AHI1: variants seen among roughly 807,000 people sequenced by gnomAD.
AHI1 encodes the protein jouberin.
Under a neutral mutation model 149.3 loss-of-function variants are expected in AHI1, and 123 were observed. The ratio of observed to expected loss-of-function variants is 0.82; its 90% confidence interval spans 0.71 to 0.96. The LOEUF (loss-of-function observed/expected upper bound fraction) is 0.96. Among genes scored for constraint, AHI1 ranks in the 40% least tolerant of loss-of-function variants. The pLI is 0.00. For synonymous variants in AHI1, 475 were observed against 459.8 expected (o/e 1.03, Z -0.42); for missense variants, 1,439 against 1,422.7 (o/e 1.01, Z -0.18).
At chr6:135,421,070 C>G (rs369722756) in intron 20 of AHI1, among the ~76,000 whole-genome samples, 3 of 152,066 alleles carry the variant, frequency 2.0e-5, no homozygotes, top group African/African-American at 7.2e-5. Context: ...AATGGGAGAA[C>G]GGCTGGTGGG....
At chr6:135,453,184 G>T (rs1252096825) in intron 11 of AHI1, among the ~76,000 whole-genome samples, 157 bp downstream of exon 11, 1 of 152,150 alleles carries the variant, frequency 6.6e-6, no homozygotes, top group Non-Finnish European at 1.5e-5. Context: ...TTAAGAATCT[G>T]AATGAGCATA....
chr6:135,358,720 A>T (rs1304573682), intron 23 of AHI1, among the ~76,000 whole-genome samples: 2 of 152,202 alleles, frequency 1.3e-5, no homozygotes, highest in African/African-American at 4.8e-5. Flanking sequence ...CTCCTTTAAA[A>T]TGATAACACA....
intron 20 of AHI1, among the ~76,000 whole-genome samples, chr6:135,422,834 A>G (rs1007084227): frequency 3.3e-5 from 5 of 151,826 alleles, no homozygotes; most frequent in African/African-American, 1.2e-4. Context: ...AATACTAGAT[A>G]AGCAAACTTC....
chr6:135,443,182 T>A (rs1296506375), intron 13 of AHI1, among the ~76,000 whole-genome samples: 3 of 152,154 alleles, frequency 2.0e-5, no homozygotes, highest in Non-Finnish European at 4.4e-5. Flanking sequence ...ATAATCACCT[T>A]TTGTGGCTGC....
rs927642701 is a variant in AHI1, at chr6:135,283,794, C to T, written c.*1851G>A. 1 of 152,210 alleles carries T rather than the reference C, an allele frequency of 6.6e-6. No individual in the cohort carries two copies. The highest frequency in any genetic ancestry group is 2.4e-5 in the African/African-American group (1 of 41,458). The allele number at this position is 152,210 out of a possible 1,614,324, so 9.4% of individuals were successfully genotyped here. On this transcript the variant is annotated 3_prime_UTR_variant, in exon 29 of 29. Transcript: ENST00000265602. ...CAAATTTTCCTGGTGTTTGCTTCAA[C>T]TGCTATTTTTCTCTTTAGTAGTTGC...
chr6:135,425,519 G>A (rs1482268162), intron 20 of AHI1, among the ~76,000 whole-genome samples: 2 of 151,754 alleles, frequency 1.3e-5, no homozygotes, highest in Admixed American at 6.6e-5. Context: ...TTTATCTTTT[G>A]TTTCAATATT....
chr6:135,463,394 G>A lies in AHI1; in HGVS notation c.750-88C>T, dbSNP rs41288023. On this transcript the variant is annotated intron_variant, in intron 7 of 28. Transcript: ENST00000265602. ...ATGCAACAGAGTGAACAGTAAATAG[G>A]AGCAAAGATAATCCTAAAATCACTA... 0.013 allele frequency: 14,728 copies of A among 1,097,722 alleles called. 118 individuals carry two copies. The highest frequency in any genetic ancestry group is 0.016 in the Non-Finnish European group (13,026 of 793,118). The allele number at this position is 1,097,722 out of a possible 1,614,324, so 68.0% of individuals were successfully genotyped here. A position where few individuals can be genotyped will look rare whatever the true frequency, so the allele number is the denominator to read the frequency against.
chr6:135,424,573 G>T lies in AHI1; in HGVS notation c.2764+2594C>A, dbSNP rs1263396969. Among the ~76,000 whole-genome samples, 5 of 152,006 alleles carry T rather than the reference G, an allele frequency of 3.3e-5. No individual in the cohort carries two copies. In the East Asian group the frequency reaches 9.6e-4, roughly 29 times the overall value. On this transcript the variant is annotated intron_variant, in intron 20 of 28. Transcript: ENST00000265602. The stretch of plus-strand genomic sequence containing the variant: ...CTTTCAACATCAGGCAAATAAAACT[G>T]CCTTCTGAAAGTAAAAATCATATTT...
At chr6:135,387,867 G>T in intron 23 of AHI1, 1 of 1,516,818 alleles carries the variant, frequency 6.6e-7, no homozygotes, top group South Asian at 1.3e-5. Context: ...ATTCTATGAA[G>T]TAGGAAATGT....
intron 20 of AHI1, among the ~76,000 whole-genome samples, chr6:135,417,213 T>C (rs1782504793): frequency 6.6e-6 from 1 of 152,054 alleles, no homozygotes; most frequent in African/African-American, 2.4e-5. Context: ...TAATTGTGTT[T>C]TGCTGCTATG....
chr6:135,429,755 G>A, intron 18 of AHI1, 127 bp downstream of exon 18: 3 of 514,756 alleles, frequency 5.8e-6, no homozygotes, highest in Admixed American at 3.8e-5. Context: ...TCCAGATACT[G>A]CCAGATGTTC....
At position 135,457,475 on chromosome 6, in the gene AHI1, T is replaced by C. The variant is rs367865048; in HGVS notation, c.1151+19A>G. On this transcript the variant is annotated intron_variant, in intron 9 of 28. Coordinates refer to ENST00000265602, the MANE Select transcript of AHI1 (RefSeq NM_001134831.2). ...TAGTTTCAGTTTCAAGAATTAGTTG[T>C]GCAATTAAAAAAAATTACCTATCAT... 7.6e-6 allele frequency: 12 copies of C among 1,574,162 alleles called. No individual in the cohort carries two copies. The African/African-American group carries it at 1.3e-4, about 18-fold the overall frequency.
chr6:135,359,419 A>G (rs1316636518), intron 23 of AHI1, among the ~76,000 whole-genome samples: 1 of 152,236 alleles, frequency 6.6e-6, no homozygotes, highest in Non-Finnish European at 1.5e-5. Flanking sequence ...TTTCATCTTA[A>G]GTGTAATAAA....
At position 135,467,602 on chromosome 6, in the gene AHI1, C is replaced by G. The variant is rs1296849014; in HGVS notation, c.168G>C (p.Met56Ile). ...PDTIRSNLHY[M>I]KETTSDDPDT... ...TTACATCATCACTTGTAGTTTCTTT[C>G]ATATAGTGAAGATTGCTTCTAATAG... Residue 56 changes from methionine to isoleucine, a missense_variant, in exon 6 of 29, where the codon ATG (methionine) becomes ATC (isoleucine). Physicochemically the swap from Met to Ile is conservative, Grantham distance 10. Transcript: ENST00000265602. 3 of 1,609,404 alleles carry G rather than the reference C, an allele frequency of 1.9e-6. No homozygotes were observed.
chr6:135,446,883 T>C, intron 13 of AHI1, 125 bp downstream of exon 13: 1 of 1,022,684 alleles, frequency 9.8e-7, no homozygotes, highest in Non-Finnish European at 1.4e-6. Context: ...AAGGCAAAAT[T>C]GTGGTTAAAA....
At chr6:135,479,945 C>G (rs1211817900) in intron 5 of AHI1, among the ~76,000 whole-genome samples, 2 of 152,164 alleles carry the variant, frequency 1.3e-5, no homozygotes, top group East Asian at 1.9e-4. Flanking sequence ...CTCACTCTCT[C>G]TCCAGCTCTG....
chr6:135,447,148 A>C lies in AHI1; in HGVS notation c.1639T>G (p.Tyr547Asp), dbSNP rs1787372367. 6.4e-7 allele frequency: 1 copy of C among 1,566,830 alleles called. No individual in the cohort carries two copies. Among genetic ancestry groups the C allele is most frequent in the East Asian group, 2.3e-5 (1 of 43,464 alleles). The stretch of plus-strand genomic sequence containing the variant: ...TCCTGAAGAGCCATCATAGAGCGGT[A>C]AGATGGCTTTATCTAAATATGCATT... ...LKVPDCIKPS[Y>D]RSMMALQEEK... is the part of the protein sequence containing the mutation. The change falls in exon 13 of 29, where the codon TAC becomes GAC. Residue 547 changes from tyrosine to aspartate, a missense_variant. Physicochemically the swap from Tyr to Asp is radical, Grantham distance 160. Coordinates refer to ENST00000265602, the MANE Select transcript of AHI1 (RefSeq NM_001134831.2).
chr6:135,481,401 T>C (rs904782816), intron 5 of AHI1, among the ~76,000 whole-genome samples: 3 of 152,208 alleles, frequency 2.0e-5, no homozygotes, highest in Non-Finnish European at 4.4e-5. Flanking sequence ...ATTTTGTATA[T>C]CTGCATTATA....
intron 23 of AHI1, among the ~76,000 whole-genome samples, chr6:135,368,030 T>C (rs190631585): frequency 6.6e-6 from 1 of 152,210 alleles, no homozygotes; most frequent in Non-Finnish European, 1.5e-5. Context: ...CAGATTCTTC[T>C]GTCCCACGGG....
Sources: allele counts gnomAD v4.1 joint callset (sites outside exome capture counted in the v4.1 genomes callset), GRCh38; gene constraint gnomAD v4.1.1; transcripts MANE v1.5; gene names NCBI Gene and HGNC (gene_info 2026-07-23, HGNC 2026-07-21).